SBF2: variants seen among roughly 807,000 people sequenced by gnomAD.
SBF2 encodes the protein myotubularin-related protein 13.
Under a neutral mutation model 225.2 loss-of-function variants are expected in SBF2, and 112 were observed. The ratio of observed to expected loss-of-function variants is 0.50; its 90% CI spans 0.43 to 0.58. SBF2 has a LOEUF of 0.58. Ranked by LOEUF, SBF2 falls within the 20% of genes least tolerant of loss-of-function variation. SBF2 has a pLI of 0.00. For synonymous variants in SBF2, 763 were observed against 773.3 expected, an observed-to-expected ratio of 0.99 and a Z score of 0.22; for missense variants, 1,996 against 2,206.2, an observed-to-expected ratio of 0.90 and a Z score of 1.91.
chr11:9,853,795 C>T, intron 19 of SBF2, 83 bp from the exon 20 acceptor site: 3 of 1,306,570 alleles, frequency 2.3e-6, no homozygotes, highest in Non-Finnish European at 3.3e-6. Flanking sequence ...TACATAGCGA[C>T]AGAAACATGA....
At chr11:9,952,665 G>T (rs549140872) in intron 16 of SBF2, among the ~76,000 whole-genome samples, 16 of 152,104 alleles carry the variant, frequency 1.1e-4, no homozygotes, top group Non-Finnish European at 2.2e-4. Flanking sequence ...GGGCTTTTGG[G>T]TGGTAGCAGA....
intron 17 of SBF2, among the ~76,000 whole-genome samples, chr11:9,882,131 G>A (rs1489788481): frequency 1.3e-5 from 2 of 152,152 alleles, no homozygotes; most frequent in African/African-American, 4.8e-5. Flanking sequence ...AACAATTCCA[G>A]ACCAATACAA....
chr11:9,916,862 G>GGGGGAGCTCTGT (rs1271479599), intron 16 of SBF2, among the ~76,000 whole-genome samples: 19 of 148,290 alleles, frequency 1.3e-4, no homozygotes, highest in African/African-American at 4.5e-4. Context: ...AAGAGTACAG[G>GGGGGAGCTCTGT]AGCAAATTAC....
At chr11:9,996,843 T>C (rs200166776) in intron 9 of SBF2, among the ~76,000 whole-genome samples, 1 of 152,212 alleles carries the variant, frequency 6.6e-6, no homozygotes, top group East Asian at 1.9e-4. Flanking sequence ...ATGCTTCATT[T>C]TGGCAAACAA....
At chr11:10,132,572 G>GCTCGTGGT (rs1245130595) in intron 2 of SBF2, among the ~76,000 whole-genome samples, 1 of 148,552 alleles carries the variant, frequency 6.7e-6, no homozygotes, top group Non-Finnish European at 1.5e-5. Context: ...CTCCCGGTGG[G>GCTCGTGGT]CTCGTGGTCT....
intron 16 of SBF2, among the ~76,000 whole-genome samples, chr11:9,954,802 A>G (rs1866056316): frequency 6.6e-6 from 1 of 152,152 alleles, no homozygotes; most frequent in Admixed American, 6.5e-5. Context: ...ATAATTGTAA[A>G]TGCTAAAATT....
At chr11:10,266,807 G>A (rs1351546186) in intron 1 of SBF2, among the ~76,000 whole-genome samples, 3 of 152,202 alleles carry the variant, frequency 2.0e-5, no homozygotes, top group Non-Finnish European at 4.4e-5. Flanking sequence ...ACGGAAGAGG[G>A]TCCGGGCGTG....
At chr11:10,210,115 G>A (rs551509086) in intron 1 of SBF2, among the ~76,000 whole-genome samples, 25 of 152,170 alleles carry the variant, frequency 1.6e-4, no homozygotes, top group Middle Eastern at 3.4e-3. Context: ...AGTTCAGCCC[G>A]GGCAACATGG....
At chr11:10,226,792 A>C (rs538109588) in intron 1 of SBF2, among the ~76,000 whole-genome samples, 1 of 152,168 alleles carries the variant, frequency 6.6e-6, no homozygotes, top group Non-Finnish European at 1.5e-5. Flanking sequence ...ATAAACATAC[A>C]TGTGCATGTG....
intron 2 of SBF2, among the ~76,000 whole-genome samples, chr11:10,046,487 G>A (rs1054182311): frequency 6.6e-6 from 1 of 151,916 alleles, no homozygotes; most frequent in African/African-American, 2.4e-5. Context: ...GCATTATATC[G>A]TATCAACAGG....
chr11:10,002,443 CTT>C, intron 7 of SBF2, 112 bp downstream of exon 7: 1 of 864,826 alleles, frequency 1.2e-6, no homozygotes, highest in Admixed American at 2.3e-5. Context: ...AACAGCATAA[CTT>C]TGTAAAATAT....
chr11:10,047,832 C>T (rs189777060), intron 2 of SBF2, among the ~76,000 whole-genome samples: 1 of 152,180 alleles, frequency 6.6e-6, no homozygotes, highest in East Asian at 1.9e-4. Flanking sequence ...TTTAAAATAG[C>T]AATTTATTCA....
At chr11:10,035,692 T>A (rs985576863) in intron 3 of SBF2, among the ~76,000 whole-genome samples, 2 of 152,038 alleles carry the variant, frequency 1.3e-5, no homozygotes, top group Non-Finnish European at 2.9e-5. Flanking sequence ...ATCAGAGAAA[T>A]GCAAATCAAA....
At chr11:10,133,476 G>T (rs578172068) in intron 2 of SBF2, among the ~76,000 whole-genome samples, 1 of 142,278 alleles carries the variant, frequency 7.0e-6, no homozygotes, top group African/African-American at 2.5e-5. Flanking sequence ...GGCCCAGCGA[G>T]AAATCGAACG....
chr11:9,955,055 C>G (rs1320041912), intron 16 of SBF2, among the ~76,000 whole-genome samples: 1 of 151,872 alleles, frequency 6.6e-6, no homozygotes, highest in South Asian at 2.1e-4. Flanking sequence ...TCTTTTAGGG[C>G]AAGTTCTTCT....
chr11:9,922,908 T>C (rs1863744974), intron 16 of SBF2, among the ~76,000 whole-genome samples: 1 of 151,130 alleles, frequency 6.6e-6, no homozygotes, highest in Non-Finnish European at 1.5e-5. Context: ...CACCAGGAGG[T>C]TGCCTCGAGA....
intron 16 of SBF2, among the ~76,000 whole-genome samples, chr11:9,910,628 T>C (rs1862522003): frequency 6.6e-6 from 1 of 152,078 alleles, no homozygotes; most frequent in Non-Finnish European, 1.5e-5. Context: ...GTGATATGGA[T>C]GATCCTGACC....
At chr11:10,288,050 T>C (rs4459296) in intron 1 of SBF2, among the ~76,000 whole-genome samples, 2 of 152,114 alleles carry the variant, frequency 1.3e-5, no homozygotes, top group African/African-American at 4.8e-5. Flanking sequence ...CCGGGGAATG[T>C]AGTGGCACTC....
intron 1 of SBF2, among the ~76,000 whole-genome samples, chr11:10,215,317 C>T (rs186420816): frequency 2.0e-5 from 3 of 152,176 alleles, no homozygotes; most frequent in African/African-American, 7.2e-5. Flanking sequence ...ATGTTTTTCA[C>T]TGTCATCTTA....
Sources: allele counts gnomAD v4.1 joint callset (sites outside exome capture counted in the v4.1 genomes callset), GRCh38; gene constraint gnomAD v4.1.1; transcripts MANE v1.5; gene names NCBI Gene and HGNC (gene_info 2026-07-23, HGNC 2026-07-21).